Variants in MAGI2 observed in about 807,000 individuals in gnomAD.
MAGI2 encodes membrane associated guanylate kinase, WW and PDZ domain containing 2.
A neutral mutation model predicts 133.3 loss-of-function variants in MAGI2; 35 were observed. That is an observed-to-expected ratio of 0.26 (90% CI 0.20 to 0.35). MAGI2 has a LOEUF of 0.35. Among genes scored for constraint, MAGI2 ranks in the 10% least tolerant of loss-of-function variants. MAGI2 has a pLI of 1.00. For missense variants in MAGI2, 1,636 were observed against 1,863.4 expected, an observed-to-expected ratio of 0.88 and a Z score of 2.25; for synonymous variants, 729 against 710.6, an observed-to-expected ratio of 1.03 and a Z score of -0.41.
chr7:78,546,149 T>C (rs1443660288), intron 3 of MAGI2, among the ~76,000 whole-genome samples: 1 of 152,190 alleles, frequency 6.6e-6, no homozygotes, highest in Non-Finnish European at 1.5e-5. Context: ...TTAATAATTT[T>C]TGGCTTTTTA....
intron 5 of MAGI2, among the ~76,000 whole-genome samples, chr7:78,490,770 G>C (rs1280189210): frequency 6.6e-6 from 1 of 152,038 alleles, no homozygotes; most frequent in Non-Finnish European, 1.5e-5. Context: ...CTGCTCATTG[G>C]AGCTAAAATG....
chr7:79,447,614 T>C (rs1371065300), intron 1 of MAGI2, among the ~76,000 whole-genome samples: 2 of 151,934 alleles, frequency 1.3e-5, no homozygotes, highest in Admixed American at 6.6e-5. Flanking sequence ...TTACTTATAT[T>C]GCATTTCTTT....
chr7:79,034,565 T>C (rs1350671700), intron 1 of MAGI2, among the ~76,000 whole-genome samples: 1 of 152,234 alleles, frequency 6.6e-6, no homozygotes, highest in East Asian at 1.9e-4. Flanking sequence ...GACTCATTAC[T>C]AAGAAGGTGA....
chr7:78,530,871 G>A lies in MAGI2; in HGVS notation c.539-9226C>T, dbSNP rs1404772534. On this transcript the variant is annotated intron_variant, in intron 3 of 21. Transcript: ENST00000354212. ...ATAGGCTTCATAGGCTCCATATGAT[G>A]CTTGCATTTTAATTAGAGTTAAAAC... 2.0e-5 allele frequency among the ~76,000 whole-genome samples: 3 copies of A among 152,102 alleles called. No individual in the cohort carries two copies. In the East Asian group the frequency reaches 5.8e-4, roughly 29 times the overall value.
intron 2 of MAGI2, among the ~76,000 whole-genome samples, chr7:78,925,991 T>C (rs1466370627): frequency 1.3e-5 from 2 of 152,044 alleles, no homozygotes; most frequent in Non-Finnish European, 2.9e-5. Context: ...GTCACTGTTT[T>C]TGACTAAAAT....
At chr7:79,201,161 CA>C (rs1025036398) in intron 1 of MAGI2, among the ~76,000 whole-genome samples, 2 of 151,942 alleles carry the variant, frequency 1.3e-5, no homozygotes, top group Admixed American at 6.6e-5. Flanking sequence ...ATGGTTTTAG[CA>C]AAAGGTTCTG....
At chr7:78,120,334 C>A (rs1469427764) in intron 20 of MAGI2, among the ~76,000 whole-genome samples, 1 of 152,110 alleles carries the variant, frequency 6.6e-6, no homozygotes, top group Non-Finnish European at 1.5e-5. Flanking sequence ...ACCCAGGAGG[C>A]GGAGCTTGCA....
rs1484516151 is a variant in MAGI2 at position 78,906,368 on chromosome 7, A to C, written c.418+100722T>G. ...TCTAGTTACATTTTGAAGATGGCTG[A>C]AACTTTCACTGTCTTTGGGGTTTGC... On this transcript the variant is annotated intron_variant, in intron 2 of 21. Coordinates refer to ENST00000354212, the MANE Select transcript of MAGI2 (RefSeq NM_012301.4). 2.0e-5 allele frequency among the ~76,000 whole-genome samples: 3 copies of C among 152,286 alleles called. No individual in the cohort carries two copies. In the East Asian group the frequency reaches 5.8e-4, roughly 29 times the overall value.
At chr7:78,214,512 C>T (rs1490965653) in intron 10 of MAGI2, among the ~76,000 whole-genome samples, 1 of 152,120 alleles carries the variant, frequency 6.6e-6, no homozygotes, top group African/African-American at 2.4e-5. Flanking sequence ...AGACTTTGGC[C>T]TGATGTCATT....
At chr7:78,881,283 C>T (rs1396742747) in intron 2 of MAGI2, among the ~76,000 whole-genome samples, 1 of 152,040 alleles carries the variant, frequency 6.6e-6, no homozygotes, top group African/African-American at 2.4e-5. Flanking sequence ...TTCTTACCTG[C>T]ACATGGAACA....
chr7:79,403,716 C>T (rs1179959918), intron 1 of MAGI2, among the ~76,000 whole-genome samples: 1 of 152,106 alleles, frequency 6.6e-6, no homozygotes, highest in Admixed American at 6.6e-5. Context: ...AATCATCTTA[C>T]ATTTAATCTA....
intron 9 of MAGI2, among the ~76,000 whole-genome samples, chr7:78,335,316 G>A (rs747552371): frequency 3.2e-4 from 48 of 152,222 alleles, no homozygotes; most frequent in Admixed American, 5.9e-4. Context: ...CCTGCATGCA[G>A]AACTCCCACC....
intron 1 of MAGI2, among the ~76,000 whole-genome samples, chr7:79,409,592 A>G (rs1467342414): frequency 6.6e-6 from 1 of 152,138 alleles, no homozygotes; most frequent in Non-Finnish European, 1.5e-5. Flanking sequence ...GCTTGGGGAC[A>G]TGAATAAAGT....
At chr7:79,419,440 T>C (rs145725214) in intron 1 of MAGI2, among the ~76,000 whole-genome samples, 29 of 152,126 alleles carry the variant, frequency 1.9e-4, no homozygotes, top group Admixed American at 6.6e-4. Flanking sequence ...GGAAAGGGAA[T>C]GGAGAGAGGA....
intron 6 of MAGI2, among the ~76,000 whole-genome samples, chr7:78,473,652 T>TC (rs1222374663): frequency 6.7e-6 from 1 of 149,562 alleles, no homozygotes; most frequent in Non-Finnish European, 1.5e-5. Context: ...GCACACTTTT[T>TC]CATCATGCCC....
intron 16 of MAGI2, among the ~76,000 whole-genome samples, chr7:78,154,114 C>T (rs1433820640): frequency 6.6e-6 from 1 of 152,172 alleles, no homozygotes; most frequent in Non-Finnish European, 1.5e-5. Context: ...CTTTTAGGAA[C>T]CATACTCTAA....
chr7:78,461,298 T>C (rs375641354), intron 6 of MAGI2, among the ~76,000 whole-genome samples: 4 of 152,270 alleles, frequency 2.6e-5, no homozygotes, highest in African/African-American at 9.6e-5. Flanking sequence ...GTTTGTTTCC[T>C]TATTGGTTTA....
intron 2 of MAGI2, among the ~76,000 whole-genome samples, chr7:78,769,153 A>C (rs1825324329): frequency 6.6e-6 from 1 of 152,200 alleles, no homozygotes; most frequent in Non-Finnish European, 1.5e-5. Context: ...GCGCGGGGAC[A>C]CATCTTTTTC....
At chr7:78,684,223 T>C (rs1017314110) in intron 2 of MAGI2, among the ~76,000 whole-genome samples, 8 of 152,138 alleles carry the variant, frequency 5.3e-5, no homozygotes, top group African/African-American at 1.9e-4. Context: ...TATTTCATCT[T>C]ATAAACTAGG....
Sources: allele counts gnomAD v4.1 joint callset (sites outside exome capture counted in the v4.1 genomes callset), GRCh38; gene constraint gnomAD v4.1.1; transcripts MANE v1.5; gene names NCBI Gene and HGNC (gene_info 2026-07-23, HGNC 2026-07-21).